UGT2A3: variants seen among roughly 807,000 people sequenced by gnomAD.
UGT2A3 encodes UDP glucuronosyltransferase family 2 member A3, also known as UDP-glucuronosyltransferase 2A3.
UGT2A3 carries 55 observed loss-of-function variants against 44.1 expected under a neutral mutation model. That is an observed-to-expected ratio of 1.25 (90% confidence interval 1.00 to 1.56). UGT2A3 has a LOEUF of 1.56. Ranked by LOEUF, UGT2A3 falls within the 40% of genes most tolerant of loss-of-function variation. UGT2A3 has a pLI of 0.00. For missense variants in UGT2A3, 733 were observed against 621.6 expected (o/e 1.18, Z -1.91); for synonymous variants, 243 against 215.1 (o/e 1.13, Z -1.13).
intron 2 of UGT2A3, among the ~76,000 whole-genome samples, chr4:68,936,481 A>C (rs2109782806): frequency 6.6e-6 from 1 of 152,226 alleles, no homozygotes; most frequent in Admixed American, 6.5e-5. Flanking sequence ...AGTGAAGAAG[A>C]AATGAAATCC....
At chr4:68,936,456 A>C (rs1404925325) in intron 2 of UGT2A3, among the ~76,000 whole-genome samples, 1 of 152,088 alleles carries the variant, frequency 6.6e-6, no homozygotes, top group African/African-American at 2.4e-5. Context: ...ATATGCAGCC[A>C]AATTAAGTTT....
chr4:68,949,289 T>A (rs1718495524), intron 1 of UGT2A3, among the ~76,000 whole-genome samples: 1 of 151,882 alleles, frequency 6.6e-6, no homozygotes, highest in Non-Finnish European at 1.5e-5. Context: ...ACTTTTCTTT[T>A]CACTGGAACA....
intron 2 of UGT2A3, among the ~76,000 whole-genome samples, chr4:68,936,888 C>CAAAAAAAAAAAAAAA (rs56737078): frequency 4.3e-5 from 2 of 46,336 alleles, no homozygotes; most frequent in African/African-American, 8.9e-5. Context: ...AAATGGAAAG[C>CAAAAAAAAAAAAAAA]AAAAAAAAAA....
At chr4:68,947,217 T>C (rs1195384080) in intron 1 of UGT2A3, among the ~76,000 whole-genome samples, 1 of 151,806 alleles carries the variant, frequency 6.6e-6, no homozygotes, top group Non-Finnish European at 1.5e-5. Context: ...CCTTATCTAC[T>C]AATTTTGTGT....
rs145962640 is a variant in UGT2A3, at chr4:68,943,268, G to T, written c.864+2038C>A. 2.2e-4 allele frequency: 261 copies of T among 1,189,036 alleles called. No individual in the cohort carries two copies. The African/African-American group carries it at 4.0e-3, about 18-fold the overall frequency. The allele number at this position is 1,189,036 out of a possible 1,614,324, so 73.7% of individuals were successfully genotyped here. ...GAGTGTGGGAATAAAGGGTAGAATGGCATGGGAGATTACCTAGAGAATGAT... is the reference window on the plus strand; with the variant it reads ...GAGTGTGGGAATAAAGGGTAGAATGTCATGGGAGATTACCTAGAGAATGAT... On this transcript the variant is annotated intron_variant, in intron 2 of 5. Coordinates refer to ENST00000251566, the MANE Select transcript of UGT2A3 (RefSeq NM_024743.4).
chr4:68,936,278 G>T (rs1717949654), intron 2 of UGT2A3, among the ~76,000 whole-genome samples: 1 of 152,048 alleles, frequency 6.6e-6, no homozygotes, highest in Admixed American at 6.6e-5. Flanking sequence ...CACTAAGGTT[G>T]AAATGAAGGA....
Position 68,932,720 on chromosome 4 carries a change from T to A in UGT2A3, c.904A>T (p.Ile302Phe). Reference sequence around the variant, plus strand: ...AGTGACCCCAGAGAAAACACCACAATACCATCTTCCCCTGAACTCTGGACA... The same window carrying A: ...AGTGACCCCAGAGAAAACACCACAAAACCATCTTCCCCTGAACTCTGGACA... ...NFVQSSGEDG[I>F]VVFSLGSLFQ... Residue 302 changes from isoleucine to phenylalanine, a missense_variant, in exon 3 of 6, where the codon ATT (isoleucine) becomes TTT (phenylalanine). Transcript: ENST00000251566. The A allele has an allele frequency of 6.2e-7, 1 of 1,611,836 alleles. No individual in the cohort carries two copies. The highest frequency in any genetic ancestry group is 1.7e-4 in the Middle Eastern group (1 of 5,984).
At chr4:68,940,288 G>A (rs935098505) in intron 2 of UGT2A3, among the ~76,000 whole-genome samples, 3 of 152,042 alleles carry the variant, frequency 2.0e-5, no homozygotes, top group Non-Finnish European at 4.4e-5. Flanking sequence ...GCAAAGACTT[G>A]GAACCAACCC....
At chr4:68,934,906 G>A (rs970488136) in intron 2 of UGT2A3, among the ~76,000 whole-genome samples, 2 of 151,628 alleles carry the variant, frequency 1.3e-5, no homozygotes, top group East Asian at 2.0e-4. Context: ...GGAAAAAAAT[G>A]ACACTAGAAA....
Position 68,929,795 on chromosome 4 carries a change from T to C in UGT2A3, c.*18A>G, listed in dbSNP as rs752799768. On this transcript the variant is annotated 3_prime_UTR_variant, in exon 6 of 6. Transcript: ENST00000251566. ...TAACAGGATTACCCCATCAGGTCTTTCTTGAATTTGGAAAGATCTATTCCC... is the reference window on the plus strand; with the variant it reads ...TAACAGGATTACCCCATCAGGTCTTCCTTGAATTTGGAAAGATCTATTCCC... 10 of 1,548,614 alleles carry C rather than the reference T, an allele frequency of 6.5e-6. No homozygotes were observed. Among genetic ancestry groups the C allele is most frequent in the Non-Finnish European group, 8.7e-6 (10 of 1,144,344 alleles).
At chr4:68,938,145 C>T (rs1718026887) in intron 2 of UGT2A3, among the ~76,000 whole-genome samples, 1 of 152,110 alleles carries the variant, frequency 6.6e-6, no homozygotes, top group Admixed American at 6.6e-5. Flanking sequence ...GAGCTGGTAC[C>T]ATTCCTTCTG....
Position 68,951,187 on chromosome 4 carries a change from C to T in UGT2A3, c.574G>A (p.Val192Ile), listed in dbSNP as rs369087528. Reference protein sequence around the residue: ...CGKLPAPLSYVPVPMTGLTDR... With the variant: ...CGKLPAPLSYIPVPMTGLTDR... ...GTTAGTCCTGTCATAGGCACAGGTA[C>T]ATAGGAAAGTGGAGCTGGAAGTTTC... The change falls in exon 1 of 6, where the codon GTA (valine) becomes ATA (isoleucine). Residue 192 changes from valine (V) to isoleucine (I), a missense_variant. By Grantham distance (29) the Val-to-Ile change is conservative (BLOSUM62 3). Transcript: ENST00000251566. The T allele has an allele frequency of 1.9e-6, 3 of 1,612,058 alleles. No homozygotes were observed. Among genetic ancestry groups the T allele is most frequent in the African/African-American group, 1.3e-5 (1 of 74,904 alleles).
chr4:68,945,197 C>G, intron 2 of UGT2A3, 109 bp downstream of exon 2: 1 of 1,308,546 alleles, frequency 7.6e-7, no homozygotes, highest in Non-Finnish European at 1.1e-6. Flanking sequence ...TATGGAGCTG[C>G]AAACAGAAGA....
In UGT2A3 at chr4:68,929,595, C is replaced by T. The variant is rs573306825; in HGVS notation, c.*218G>A. 1.6e-5 allele frequency: 7 copies of T among 449,566 alleles called. No individual in the cohort carries two copies. The highest frequency in any genetic ancestry group is 3.8e-5 in the Admixed American group (1 of 26,474). 27.8% of individuals were successfully genotyped at this position (449,566 alleles called of 1,614,324 possible). On this transcript the variant is annotated 3_prime_UTR_variant, in exon 6 of 6. Transcript: ENST00000251566. ...AGGAAAATTTAGATGTATTCATGTC[C>T]TTGTGTCACAAAGTGAGAGAAGAGA...
Position 68,930,654 on chromosome 4 carries a change from T to A in UGT2A3, c.1196A>T (p.Asp399Val). ...VGVPIFGDQLDNIAHMKAKGA... is the reference protein window; with the variant it reads ...VGVPIFGDQLVNIAHMKAKGA... The stretch of plus-strand genomic sequence containing the variant: ...TTTGGCCTTCATGTGAGCTATGTTA[T>A]CAAGCTGATCACCAAATATGGGAAC... Residue 399 changes from aspartate (D) to valine (V), a missense_variant, in exon 5 of 6, where the codon GAT becomes GTT. By Grantham distance (152) the Asp-to-Val change is radical. Coordinates refer to ENST00000251566, the MANE Select transcript of UGT2A3 (RefSeq NM_024743.4). 1 of 1,613,604 alleles carries A rather than the reference T, an allele frequency of 6.2e-7. No homozygotes were observed. The highest frequency in any genetic ancestry group is 2.2e-5 in the East Asian group (1 of 44,822).
chr4:68,932,761 T>G lies in UGT2A3; in HGVS notation c.865-2A>C. On this transcript the variant is annotated splice_acceptor_variant, in intron 2 of 5. Coordinates refer to ENST00000251566, the MANE Select transcript of UGT2A3 (RefSeq NM_024743.4). LOFTEE classifies it high-confidence loss of function. Reference sequence around the variant, plus strand: ...ACTCTGGACAAAATTTTCCATTTCCTGAAGATAAAAATTTATCTGCATTAC... The same window carrying G: ...ACTCTGGACAAAATTTTCCATTTCCGGAAGATAAAAATTTATCTGCATTAC... 2 of 1,605,770 alleles carry G rather than the reference T, an allele frequency of 1.2e-6. No homozygotes were observed.
chr4:68,939,634 T>C (rs190516927), intron 2 of UGT2A3, among the ~76,000 whole-genome samples: 2 of 152,130 alleles, frequency 1.3e-5, no homozygotes, highest in Non-Finnish European at 2.9e-5. Flanking sequence ...GACTTAGGCC[T>C]GGGCAAGGGT....
At chr4:68,938,285 A>G (rs114810221) in intron 2 of UGT2A3, among the ~76,000 whole-genome samples, 2,821 of 152,178 alleles carry the variant, frequency 0.019, 101 homozygotes, top group African/African-American at 0.064. Flanking sequence ...ATCTCTGAGG[A>G]ATATCACTGC....
intron 2 of UGT2A3, chr4:68,943,382 G>A (rs756064225): frequency 8.5e-7 from 1 of 1,172,794 alleles, no homozygotes; most frequent in Non-Finnish European, 1.1e-6. Context: ...AACTTTCCTG[G>A]TAAGTAAAGT....
Sources: allele counts gnomAD v4.1 joint callset (sites outside exome capture counted in the v4.1 genomes callset), GRCh38; gene constraint gnomAD v4.1.1; transcripts MANE v1.5; gene names NCBI Gene and HGNC (gene_info 2026-07-23, HGNC 2026-07-21).